Variants in ZYX observed in about 807,000 individuals in gnomAD.
The protein encoded by ZYX is zyxin-2.
ZYX carries 37 observed loss-of-function variants against 58.1 expected under a neutral mutation model. The ratio of observed to expected loss-of-function variants is 0.64; its 90% CI spans 0.49 to 0.84. ZYX has a LOEUF of 0.84. Among genes scored for constraint, ZYX ranks in the 40% least tolerant of loss-of-function variants. ZYX has a pLI of 0.00. For missense variants in ZYX, 762 were observed against 761.6 expected (o/e 1.00, Z -0.01); for synonymous variants, 324 against 321.1 (o/e 1.01, Z -0.10).
Position 143,388,956 on chromosome 7 carries a change from G to C in ZYX, c.1493+11G>C. On this transcript the variant is annotated intron_variant, in intron 8 of 9. Coordinates refer to ENST00000322764, the MANE Select transcript of ZYX (RefSeq NM_003461.5). This position sits in a 1 kb window ranked among gnomAD's most constrained non-coding sequence, Gnocchi z 7.5. Reference sequence around the variant, plus strand: ...CCCCGACTACCACAAGTGAGGACCTGCCACCTGCCTTCTGGGTTCCCGGCG... The same window carrying C: ...CCCCGACTACCACAAGTGAGGACCTCCCACCTGCCTTCTGGGTTCCCGGCG... 1 of 1,600,282 alleles carries C rather than the reference G, an allele frequency of 6.2e-7. No individual in the cohort carries two copies.
Position 143,381,774 on chromosome 7 carries a change from C to T in ZYX, c.203C>T (p.Pro68Leu). 6.4e-7 allele frequency: 1 copy of T among 1,572,928 alleles called. No homozygotes were observed. ...GTGGGCGAGATTCCCCCGCCGCCCC[C>T]GGAAGGTATGCGGCGGGGCTTGGGG... is the stretch of plus-strand genomic sequence containing the variant. ...GRVGEIPPPP[P>L]EDFPLPPPPL... The change falls in exon 2 of 10, where the codon CCG becomes CTG. Residue 68 changes from proline (P) to leucine (L), a missense_variant. Physicochemically the swap from Pro to Leu is moderately conservative, Grantham distance 98. Transcript: ENST00000322764.
chr7:143,382,122 T>C, intron 2 of ZYX, 126 bp from the exon 3 acceptor site: 1 of 834,470 alleles, frequency 1.2e-6, no homozygotes, highest in South Asian at 1.8e-5. Flanking sequence ...GCCCCTCCTT[T>C]GCTTCCCCAC....
At chr7:143,385,445 T>C (rs932123375) in intron 5 of ZYX, among the ~76,000 whole-genome samples, 2 of 151,326 alleles carry the variant, frequency 1.3e-5, no homozygotes, top group African/African-American at 2.4e-5. Flanking sequence ...ATGAGTGGCG[T>C]GTGATGTGTG....
rs1397260603 is a variant in ZYX, at chr7:143,383,319, C to A, written c.1020C>A (p.Asn340Lys). 1.9e-5 allele frequency: 31 copies of A among 1,599,200 alleles called. No homozygotes were observed. The highest frequency in any genetic ancestry group is 2.6e-5 in the Non-Finnish European group (31 of 1,173,628). ...TGCCCCCACCGGCTCAGAACCAAAACCAGGTGAGGGATGGTGATAGGACAA... is the reference window on the plus strand; with the variant it reads ...TGCCCCCACCGGCTCAGAACCAAAAACAGGTGAGGGATGGTGATAGGACAA... ...HPVPPPAQNQ[N>K]QVRSPGAPGP... is the part of the protein sequence containing the mutation. Residue 340 changes from asparagine (N) to lysine (K), a missense_variant, in exon 5 of 10, where the codon AAC (asparagine) becomes AAA (lysine). Asn to Lys is a moderately conservative substitution (Grantham distance 94, BLOSUM62 0). Transcript: ENST00000322764.
chr7:143,388,097 C>A lies in ZYX; in HGVS notation c.1024-122C>A. ...CGAGGGAGAAGCTTTAAGGGTCAAG[C>A]CTGAGCATCTGGGACACGAGCTGGG... On this transcript the variant is annotated intron_variant, in intron 5 of 9. Transcript: ENST00000322764. This position sits in a 1 kb window ranked among gnomAD's most constrained non-coding sequence, Gnocchi z 7.5. 8.0e-7 allele frequency: 1 copy of A among 1,247,410 alleles called. No homozygotes were observed. The highest frequency in any genetic ancestry group is 1.1e-6 in the Non-Finnish European group (1 of 906,046). The allele number at this position is 1,247,410 out of a possible 1,614,324, so 77.3% of individuals were successfully genotyped here.
In ZYX at chr7:143,381,418, C is replaced by T. The variant is rs1804563798; in HGVS notation, c.-16+9C>T. The T allele has an allele frequency of 8.1e-7, 1 of 1,242,114 alleles. No homozygotes were observed. Among genetic ancestry groups the T allele is most frequent in the Non-Finnish European group, 1.0e-6 (1 of 992,158 alleles). The allele number at this position is 1,242,114 out of a possible 1,614,324, so 76.9% of individuals were successfully genotyped here. A position where few individuals can be genotyped will look rare whatever the true frequency, so the allele number is the denominator to read the frequency against. ...GCACGCTCCGGCCTGCGGTGAGGCG[C>T]GGGGAGCGGCAGGGCGGCCCCACGG... On this transcript the variant is annotated intron_variant, in intron 1 of 9. Coordinates refer to ENST00000322764, the MANE Select transcript of ZYX (RefSeq NM_003461.5).
At position 143,388,636 on chromosome 7, in the gene ZYX, C is replaced by T. The variant is rs201007727; in HGVS notation, c.1292C>T (p.Pro431Leu). ...GQQFYSLEGA[P>L]YCEGCYTDTL... is the part of the protein sequence containing the mutation. ...CAGTTCTACAGTCTGGAGGGGGCGC[C>T]GTACTGCGAGGGCTGTTACACTGTG... Residue 431 changes from proline to leucine, a missense_variant, in exon 7 of 10, where the codon CCG becomes CTG. By Grantham distance (98) the Pro-to-Leu change is moderately conservative (BLOSUM62 -3). Transcript: ENST00000322764. The surrounding 1 kb of genome is among the most constrained non-coding windows in gnomAD (Gnocchi z 7.5). 41 of 1,613,572 alleles carry T rather than the reference C, an allele frequency of 2.5e-5. No individual in the cohort carries two copies. The highest frequency in any genetic ancestry group is 1.8e-4 in the Admixed American group (11 of 60,012).
rs1039399059 is a variant in ZYX at position 143,387,921 on chromosome 7, G to A, written c.1024-298G>A. The A allele has an allele frequency of 5.8e-4, 304 of 522,444 alleles. 2 individuals carry two copies. Among genetic ancestry groups the A allele is most frequent in the Admixed American group, 2.7e-4 (12 of 44,344 alleles). 32.4% of individuals were successfully genotyped at this position (522,444 alleles called of 1,614,324 possible). A position where few individuals can be genotyped will look rare whatever the true frequency, so the allele number is the denominator to read the frequency against. ...TTCAGTGACCCGAGCTGCTGTGTGC[G>A]TGGCCTCCGTCCGCCCAGTCATTCT... On this transcript the variant is annotated intron_variant, in intron 5 of 9. Coordinates refer to ENST00000322764, the MANE Select transcript of ZYX (RefSeq NM_003461.5). The surrounding 1 kb of genome is among the most constrained non-coding windows in gnomAD (Gnocchi z 5.8).
At position 143,385,660 on chromosome 7, in the gene ZYX, C is replaced by CTTTTTTTTTTTTTT. The variant is rs59995035; in HGVS notation, c.1023+2351_1023+2364dup. The stretch of plus-strand genomic sequence containing the variant: ...TGTGTGAGCGTGTGGTGTGGTATAT[C>CTTTTTTTTTTTTTT]TTTTTTTTTTTTTTTTTTTTTTTTT... On this transcript the variant is annotated intron_variant, in intron 5 of 9. Coordinates refer to ENST00000322764, the MANE Select transcript of ZYX (RefSeq NM_003461.5). 5.2e-3 allele frequency among the ~76,000 whole-genome samples: 356 copies of CTTTTTTTTTTTTTT among 68,958 alleles called. 32 individuals carry two copies. The highest frequency in any genetic ancestry group is 0.011 in the Admixed American group (45 of 4,202). The allele number at this position is 68,958 out of a possible 152,430, so 45.2% of individuals were successfully genotyped here.
chr7:143,385,575 C>T (rs946635993), intron 5 of ZYX, among the ~76,000 whole-genome samples: 8 of 148,364 alleles, frequency 5.4e-5, no homozygotes, highest in Non-Finnish European at 8.9e-5. Flanking sequence ...AGTGAAGGTG[C>T]ACATACATAC....
At chr7:143,381,502 C>G in intron 1 of ZYX, 55 bp from the exon 2 acceptor site, 1 of 1,514,990 alleles carries the variant, frequency 6.6e-7, no homozygotes. Context: ...GAGCTGGGAC[C>G]GCCTGGGGCT....
Position 143,388,011 on chromosome 7 carries a change from C to T in ZYX, c.1024-208C>T, listed in dbSNP as rs1023954107. On this transcript the variant is annotated intron_variant, in intron 5 of 9. Transcript: ENST00000322764. The surrounding 1 kb of genome is among the most constrained non-coding windows in gnomAD (Gnocchi z 7.5). ...GTGGAAATGTCTTGCTGTACGAGAT[C>T]CAGGCTTAGGTCCCTTCCCCTGTTA... 1 of 632,400 alleles carries T rather than the reference C, an allele frequency of 1.6e-6. No homozygotes were observed. The allele number at this position is 632,400 out of a possible 1,614,324, so 39.2% of individuals were successfully genotyped here. A position where few individuals can be genotyped will look rare whatever the true frequency, so the allele number is the denominator to read the frequency against.
chr7:143,390,251 G>A lies in ZYX; in HGVS notation c.1614+274G>A. On this transcript the variant is annotated intron_variant, in intron 9 of 9. Transcript: ENST00000322764. The surrounding 1 kb of genome is among the most constrained non-coding windows in gnomAD (Gnocchi z 4.3). ...GAAGAAGGGCATGGTGTTTTACCGT[G>A]GTAGGGGATGGGGAAACAGGAGCTG... 1 of 545,726 alleles carries A rather than the reference G, an allele frequency of 1.8e-6. No individual in the cohort carries two copies. Among genetic ancestry groups the A allele is most frequent in the South Asian group, 2.1e-5 (1 of 47,966 alleles). 33.8% of individuals were successfully genotyped at this position (545,726 alleles called of 1,614,324 possible).
rs944273759 is a variant in ZYX at position 143,389,036 on chromosome 7, C to T, written c.1493+91C>T. 1 of 1,439,802 alleles carries T rather than the reference C, an allele frequency of 6.9e-7. No homozygotes were observed. Among genetic ancestry groups the T allele is most frequent in the South Asian group, 1.3e-5 (1 of 75,954 alleles). 89.2% of individuals were successfully genotyped at this position (1,439,802 alleles called of 1,614,324 possible). On this transcript the variant is annotated intron_variant, in intron 8 of 9. Coordinates refer to ENST00000322764, the MANE Select transcript of ZYX (RefSeq NM_003461.5). The surrounding 1 kb of genome is among the most constrained non-coding windows in gnomAD (Gnocchi z 5.6). Reference sequence around the variant, plus strand: ...ACCCTAGCCTCAGGACAGCCCCAAACCCCTGGTGGTGTTTTCTGGTCCCAT... The same window carrying T: ...ACCCTAGCCTCAGGACAGCCCCAAATCCCTGGTGGTGTTTTCTGGTCCCAT...
chr7:143,388,703 C>T lies in ZYX; in HGVS notation c.1314+45C>T, dbSNP rs748409519. The T allele has an allele frequency of 6.4e-5, 103 of 1,606,978 alleles. No homozygotes were observed. The highest frequency in any genetic ancestry group is 8.4e-5 in the Non-Finnish European group (99 of 1,176,608). ...GCTGTGCTGGGCTGTGCTGGGCAGTCGGGCCCTGGAAGCTTGCTGTGGGGT... is the reference window on the plus strand; with the variant it reads ...GCTGTGCTGGGCTGTGCTGGGCAGTTGGGCCCTGGAAGCTTGCTGTGGGGT... On this transcript the variant is annotated intron_variant, in intron 7 of 9. Transcript: ENST00000322764. This position sits in a 1 kb window ranked among gnomAD's most constrained non-coding sequence, Gnocchi z 7.5.
At position 143,382,865 on chromosome 7, in the gene ZYX, C is replaced by G. The variant is rs1239258603; in HGVS notation, c.566C>G (p.Pro189Arg). The G allele has an allele frequency of 1.2e-6, 2 of 1,612,378 alleles. No homozygotes were observed. Among genetic ancestry groups the G allele is most frequent in the African/African-American group, 2.7e-5 (2 of 74,892 alleles). Residue 189 changes from proline (P) to arginine (R), a missense_variant, in exon 5 of 10, where the codon CCT becomes CGT. Pro to Arg is a moderately radical substitution (Grantham distance 103). Coordinates refer to ENST00000322764, the MANE Select transcript of ZYX (RefSeq NM_003461.5). Reference sequence around the variant, plus strand: ...TTCAGTTCCAAGTCCAGTACCAAGCCTGCAGCCGGGGGCACAGCACCCCTG... The same window carrying G: ...TTCAGTTCCAAGTCCAGTACCAAGCGTGCAGCCGGGGGCACAGCACCCCTG... Reference protein sequence around the residue: ...TPFSSKSSTKPAAGGTAPLPP... With the variant: ...TPFSSKSSTKRAAGGTAPLPP...
rs1804899109 is a variant in ZYX, at chr7:143,387,321, C to T, written c.1024-898C>T. On this transcript the variant is annotated intron_variant, in intron 5 of 9. Transcript: ENST00000322764. The surrounding 1 kb of genome is among the most constrained non-coding windows in gnomAD (Gnocchi z 5.8). ...AGGTAGCAGGGGGGCTTTGGAGGTT[C>T]CAGGTGTTATGGGAATGAAGGCATC... 6.6e-6 allele frequency among the ~76,000 whole-genome samples: 1 copy of T among 151,884 alleles called. No homozygotes were observed. The highest frequency in any genetic ancestry group is 1.5e-5 in the Non-Finnish European group (1 of 67,972).
chr7:143,381,916 T>TA (rs1338244778), intron 2 of ZYX, 137 bp downstream of exon 2: 2 of 889,124 alleles, frequency 2.2e-6, no homozygotes, highest in African/African-American at 3.4e-5. Context: ...CAGATGTTCT[T>TA]ACCTCATCGT....
chr7:143,385,510 G>A (rs1050464083), intron 5 of ZYX, among the ~76,000 whole-genome samples: 2 of 151,446 alleles, frequency 1.3e-5, no homozygotes, highest in African/African-American at 4.8e-5. Flanking sequence ...ATGTGTGAGT[G>A]AAGGTGTGTG....
Sources: allele counts gnomAD v4.1 joint callset (sites outside exome capture counted in the v4.1 genomes callset), GRCh38; gene constraint gnomAD v4.1.1; non-coding constraint Gnocchi (gnomAD v3.1); transcripts MANE v1.5; gene names NCBI Gene and HGNC (gene_info 2026-07-23, HGNC 2026-07-21).